Variants in LHFPL6 observed in about 807,000 individuals in gnomAD.
LHFPL6 encodes the protein LHFPL tetraspan subfamily member 6 protein.
Under a neutral mutation model 20.6 loss-of-function variants are expected in LHFPL6, and 9 were observed. The observed-to-expected ratio is 0.44, with a 90% confidence interval of 0.26 to 0.76. The LOEUF (loss-of-function observed/expected upper bound fraction) is 0.76. Among genes scored for constraint, LHFPL6 ranks in the 30% least tolerant of loss-of-function variants. The probability of loss-of-function intolerance (pLI) is 0.20; values close to 1 mark genes in which losing one functional copy is unlikely to be tolerated. For synonymous variants in LHFPL6, 105 were observed against 98.7 expected (o/e 1.06, Z -0.38); for missense variants, 218 against 253.5 (o/e 0.86, Z 0.95).
intron 2 of LHFPL6, among the ~76,000 whole-genome samples, chr13:39,514,592 C>A (rs1352271132): frequency 6.6e-6 from 1 of 152,140 alleles, no homozygotes; most frequent in Non-Finnish European, 1.5e-5. Context: ...GAAATGTGAG[C>A]CCCAAACTCC....
intron 2 of LHFPL6, among the ~76,000 whole-genome samples, chr13:39,532,094 G>T (rs554633375): frequency 2.6e-5 from 4 of 152,052 alleles, no homozygotes; most frequent in African/African-American, 7.2e-5. Context: ...TCTTCCCTTC[G>T]TTCCTCTCCC....
chr13:39,374,200 A>T (rs1232447156), intron 3 of LHFPL6, among the ~76,000 whole-genome samples: 1 of 152,206 alleles, frequency 6.6e-6, no homozygotes. Flanking sequence ...AGCCATAAAA[A>T]GGAATGAAAT....
At chr13:39,583,285 C>A (rs368840145) in intron 2 of LHFPL6, among the ~76,000 whole-genome samples, 156 of 151,772 alleles carry the variant, frequency 1.0e-3, no homozygotes, top group African/African-American at 3.5e-3. Context: ...TGATCCTCCC[C>A]CCTCAGCCCC....
intron 2 of LHFPL6, among the ~76,000 whole-genome samples, chr13:39,554,816 T>C (rs1157440929): frequency 6.6e-6 from 1 of 152,220 alleles, no homozygotes; most frequent in Non-Finnish European, 1.5e-5. Context: ...TCCATTGTTA[T>C]AGTAAAGTTT....
At chr13:39,557,133 G>A (rs1483774173) in intron 2 of LHFPL6, among the ~76,000 whole-genome samples, 1 of 152,136 alleles carries the variant, frequency 6.6e-6, no homozygotes, top group East Asian at 1.9e-4. Context: ...CAAGAAAAAG[G>A]CCTAGAAAGC....
chr13:39,509,593 C>T (rs1869616186), intron 2 of LHFPL6, among the ~76,000 whole-genome samples: 1 of 151,934 alleles, frequency 6.6e-6, no homozygotes, highest in African/African-American at 2.4e-5. Flanking sequence ...TATTTTAAAG[C>T]TTTCTTCTAT....
rs374820436 is a variant in LHFPL6, at chr13:39,437,766, G to A, written c.386-59240C>T. On this transcript the variant is annotated intron_variant, in intron 2 of 3. Coordinates refer to ENST00000379589, the MANE Select transcript of LHFPL6 (RefSeq NM_005780.3). ...AAATACAAAAAATTAGCTGGGCGTG[G>A]TGGCGGGTGCCTGTAGTCCCAGCTA... Among the ~76,000 whole-genome samples the A allele has an allele frequency of 8.5e-5, 13 of 152,108 alleles. No individual in the cohort carries two copies. In the East Asian group the frequency reaches 1.7e-3, roughly 20 times the overall value.
chr13:39,376,181 G>A (rs1029935345), intron 3 of LHFPL6, among the ~76,000 whole-genome samples: 2 of 152,058 alleles, frequency 1.3e-5, no homozygotes, highest in Non-Finnish European at 2.9e-5. Flanking sequence ...AATAACAACA[G>A]GTCAGCATAC....
intron 2 of LHFPL6, among the ~76,000 whole-genome samples, chr13:39,562,695 C>T (rs80207369): frequency 8.9e-5 from 13 of 146,462 alleles, no homozygotes; most frequent in African/African-American, 2.0e-4. Context: ...CACACACACA[C>T]ATATATATAT....
intron 2 of LHFPL6, among the ~76,000 whole-genome samples, chr13:39,531,842 G>A (rs953814515): frequency 6.6e-6 from 1 of 152,130 alleles, no homozygotes; most frequent in Non-Finnish European, 1.5e-5. Context: ...GCTGAAGAAA[G>A]GAGAGTCATG....
At chr13:39,411,342 G>A (rs1871237829) in intron 2 of LHFPL6, among the ~76,000 whole-genome samples, 1 of 152,130 alleles carries the variant, frequency 6.6e-6, no homozygotes, top group Non-Finnish European at 1.5e-5. Context: ...CAATATATGT[G>A]GATTTGGATA....
At chr13:39,466,896 C>A (rs928532432) in intron 2 of LHFPL6, among the ~76,000 whole-genome samples, 3 of 152,104 alleles carry the variant, frequency 2.0e-5, no homozygotes, top group Admixed American at 6.5e-5. Context: ...TATATAAGAG[C>A]TAAACATAGA....
rs1872834406 is a variant in LHFPL6, at chr13:39,598,502, T to C, written c.385+2330A>G. 2.0e-5 allele frequency among the ~76,000 whole-genome samples: 3 copies of C among 152,176 alleles called. No homozygotes were observed. The South Asian group carries it at 6.2e-4, about 31-fold the overall frequency. ...ATTTTTGCCAGTATGAGAAATATTT[T>C]TGAGAAATTAGAGAATATCAGCTGC... is the stretch of plus-strand genomic sequence containing the variant. On this transcript the variant is annotated intron_variant, in intron 2 of 3. Transcript: ENST00000379589.
chr13:39,348,430 C>G (rs60526930), intron 3 of LHFPL6, among the ~76,000 whole-genome samples: 11,118 of 152,146 alleles, frequency 0.073, 703 homozygotes, highest in African/African-American at 0.17. Context: ...TTCTTCCCTC[C>G]GGGTGGAACA....
chr13:39,377,200 T>C (rs1870311950), intron 3 of LHFPL6, among the ~76,000 whole-genome samples: 1 of 152,246 alleles, frequency 6.6e-6, no homozygotes, highest in African/African-American at 2.4e-5. Context: ...ATCCCACTTC[T>C]TCATTAAACC....
chr13:39,462,952 T>C (rs1425638272), intron 2 of LHFPL6, among the ~76,000 whole-genome samples: 2 of 152,020 alleles, frequency 1.3e-5, no homozygotes, highest in East Asian at 3.9e-4. Context: ...AAACTCATGC[T>C]CTCCAGTTCT....
chr13:39,568,320 G>A (rs1481067068), intron 2 of LHFPL6, among the ~76,000 whole-genome samples: 1 of 151,976 alleles, frequency 6.6e-6, no homozygotes, highest in Non-Finnish European at 1.5e-5. Context: ...ACTTAAGCAG[G>A]AAAAACACCC....
At chr13:39,415,582 A>G (rs1010680250) in intron 2 of LHFPL6, among the ~76,000 whole-genome samples, 1 of 152,078 alleles carries the variant, frequency 6.6e-6, no homozygotes, top group South Asian at 2.1e-4. Flanking sequence ...CTGTGCTTGC[A>G]AAGAAGCATC....
chr13:39,534,257 T>C (rs1870551958), intron 2 of LHFPL6, among the ~76,000 whole-genome samples: 1 of 152,206 alleles, frequency 6.6e-6, no homozygotes, highest in Non-Finnish European at 1.5e-5. Flanking sequence ...AACATTTCTT[T>C]TTATGTTCTT....
Sources: allele counts gnomAD v4.1 joint callset (sites outside exome capture counted in the v4.1 genomes callset), GRCh38; gene constraint gnomAD v4.1.1; transcripts MANE v1.5; gene names NCBI Gene and HGNC (gene_info 2026-07-23, HGNC 2026-07-21).